CBLN2: variants seen among roughly 807,000 people sequenced by gnomAD.
CBLN2 encodes the protein cerebellin-2.
In CBLN2, 7 loss-of-function variants were observed where a neutral mutation model predicts 15.0. The observed-to-expected ratio is 0.47, with a 90% CI of 0.27 to 0.88. The LOEUF (loss-of-function observed/expected upper bound fraction) is 0.88, where lower values mean the gene tolerates loss of function less well. Ranked by LOEUF, CBLN2 falls within the 40% of genes least tolerant of loss-of-function variation. CBLN2 has a pLI of 0.14. For synonymous variants in CBLN2, 149 were observed against 135.2 expected (o/e 1.10, Z -0.71); for missense variants, 242 against 304.5 (o/e 0.79, Z 1.53).
rs552307762 is a variant in CBLN2 at position 72,625,516 on chromosome 18, C to A, written c.15+12809G>T. Among the ~76,000 whole-genome samples, 5 of 151,552 alleles carry A rather than the reference C, an allele frequency of 3.3e-5. No homozygotes were observed. In the South Asian group the frequency reaches 1.0e-3, roughly 32 times the overall value. The stretch of plus-strand genomic sequence containing the variant: ...GGTCAACCATGATGTTTTTTCTGTT[C>A]ATTCTTGTATCAGTTGCACCAACAC... On this transcript the variant is annotated intron_variant, in intron 1 of 2. Transcript: ENST00000581073.
chr18:72,605,741 C>T (rs2069579246), intron 1 of CBLN2, among the ~76,000 whole-genome samples: 1 of 152,186 alleles, frequency 6.6e-6, no homozygotes. Context: ...ATATAATTTT[C>T]CCTCCTTAGG....
At chr18:72,597,727 ACTGAGG>A (rs2069522586) in intron 1 of CBLN2, among the ~76,000 whole-genome samples, 1 of 152,182 alleles carries the variant, frequency 6.6e-6, no homozygotes, top group South Asian at 2.1e-4. Context: ...GTTCTATTCT[ACTGAGG>A]CTGAGCTGGC....
chr18:72,574,557 T>G (rs959124257), intron 1 of CBLN2, among the ~76,000 whole-genome samples: 15 of 152,250 alleles, frequency 9.9e-5, no homozygotes, highest in Admixed American at 8.5e-4. Flanking sequence ...TGGAATCCAG[T>G]GTACAGATGG....
At chr18:72,563,325 A>T (rs2144896362) in intron 1 of CBLN2, among the ~76,000 whole-genome samples, 1 of 152,338 alleles carries the variant, frequency 6.6e-6, no homozygotes, top group African/African-American at 2.4e-5. Flanking sequence ...TTATTTATAT[A>T]AGTTTTATTC....
At position 72,622,202 on chromosome 18, in the gene CBLN2, G is replaced by A. The variant is rs577318824; in HGVS notation, c.15+16123C>T. 1.1e-4 allele frequency among the ~76,000 whole-genome samples: 16 copies of A among 152,022 alleles called. No individual in the cohort carries two copies. The East Asian group carries it at 1.2e-3, about 11-fold the overall frequency. On this transcript the variant is annotated intron_variant, in intron 1 of 2. Transcript: ENST00000581073. Reference sequence around the variant, plus strand: ...GAACCTCTTGAATGTTCTTATTTTCGTAGCAATATAGTTCTGTGCATACAT... The same window carrying A: ...GAACCTCTTGAATGTTCTTATTTTCATAGCAATATAGTTCTGTGCATACAT...
intron 1 of CBLN2, among the ~76,000 whole-genome samples, chr18:72,594,447 T>TC (rs2069500309): frequency 6.6e-6 from 1 of 151,982 alleles, no homozygotes; most frequent in Non-Finnish European, 1.5e-5. Flanking sequence ...TAGTTCTCTT[T>TC]TTTTTTTTAA....
chr18:72,567,942 G>A (rs2144902204), intron 1 of CBLN2, among the ~76,000 whole-genome samples: 1 of 152,244 alleles, frequency 6.6e-6, no homozygotes, highest in East Asian at 1.9e-4. Flanking sequence ...AGAAATAAAA[G>A]CCTATAATAA....
At chr18:72,558,844 G>A (rs187527369) in intron 1 of CBLN2, among the ~76,000 whole-genome samples, 2 of 152,096 alleles carry the variant, frequency 1.3e-5, no homozygotes, top group Non-Finnish European at 2.9e-5. Context: ...ACTTGAGCCC[G>A]GGAGTTCAAG....
chr18:72,606,641 C>A (rs886749445), intron 1 of CBLN2, among the ~76,000 whole-genome samples: 1 of 152,180 alleles, frequency 6.6e-6, no homozygotes, highest in Non-Finnish European at 1.5e-5. Context: ...CTAATAACTT[C>A]TTTATTGAGC....
At chr18:72,541,443 G>T (rs901795941) in intron 3 of CBLN2, among the ~76,000 whole-genome samples, 1 of 152,122 alleles carries the variant, frequency 6.6e-6, no homozygotes, top group Admixed American at 6.5e-5. Context: ...CCACCTGGGT[G>T]ACTGAAGACC....
At chr18:72,557,954 G>A (rs2069236905) in intron 1 of CBLN2, among the ~76,000 whole-genome samples, 1 of 152,070 alleles carries the variant, frequency 6.6e-6, no homozygotes, top group Non-Finnish European at 1.5e-5. Context: ...AAGAGTCCAA[G>A]CATAAGAAAA....
chr18:72,595,235 T>C (rs1599015584), intron 1 of CBLN2, among the ~76,000 whole-genome samples: 1 of 152,064 alleles, frequency 6.6e-6, no homozygotes, highest in Non-Finnish European at 1.5e-5. Flanking sequence ...TGTTTCCATT[T>C]TCATTTATTC....
At chr18:72,552,994 G>A (rs1055976117) in intron 1 of CBLN2, among the ~76,000 whole-genome samples, 2 of 152,074 alleles carry the variant, frequency 1.3e-5, no homozygotes, top group Admixed American at 6.5e-5. Flanking sequence ...TCCACCACAT[G>A]GATGCCTTAC....
intron 1 of CBLN2, among the ~76,000 whole-genome samples, chr18:72,589,244 T>C (rs939183564): frequency 1.3e-5 from 2 of 152,182 alleles, no homozygotes; most frequent in African/African-American, 2.4e-5. Context: ...ATTTTACATA[T>C]GTTTGCTGAG....
At chr18:72,611,076 A>AT (rs964754683) in intron 1 of CBLN2, among the ~76,000 whole-genome samples, 4 of 152,046 alleles carry the variant, frequency 2.6e-5, no homozygotes, top group African/African-American at 9.7e-5. Context: ...ATTATTTCAT[A>AT]TTTTTTATGG....
chr18:72,573,369 G>A (rs1163030258), intron 1 of CBLN2, among the ~76,000 whole-genome samples: 3 of 152,176 alleles, frequency 2.0e-5, no homozygotes, highest in East Asian at 1.9e-4. Flanking sequence ...AAATAAAACA[G>A]TAGGAGTGTC....
upstream of CBLN2, among the ~76,000 whole-genome samples, chr18:72,547,763 C>G (rs1309362139): frequency 6.6e-6 from 1 of 151,950 alleles, no homozygotes; most frequent in African/African-American, 2.4e-5. Flanking sequence ...GGTGATATAT[C>G]AATGTGTATT....
intron 1 of CBLN2, among the ~76,000 whole-genome samples, chr18:72,619,597 C>G (rs2069686051): frequency 6.6e-6 from 1 of 152,102 alleles, no homozygotes; most frequent in African/African-American, 2.4e-5. Context: ...GTGTAATCCA[C>G]CTGTATAGCT....
chr18:72,604,237 A>T (rs2069568670), intron 1 of CBLN2, among the ~76,000 whole-genome samples: 1 of 152,326 alleles, frequency 6.6e-6, no homozygotes, highest in South Asian at 2.1e-4. Context: ...AACAAGAGTC[A>T]TAAGTGATGC....
Sources: allele counts gnomAD v4.1 joint callset (sites outside exome capture counted in the v4.1 genomes callset), GRCh38; gene constraint gnomAD v4.1.1; transcripts MANE v1.5; gene names NCBI Gene and HGNC (gene_info 2026-07-23, HGNC 2026-07-21).